Variants in PRKAG2 observed in about 807,000 individuals in gnomAD.
PRKAG2 encodes 5'-AMP-activated protein kinase subunit gamma-2.
PRKAG2 carries 26 observed loss-of-function variants against 69.6 expected under a neutral mutation model. The observed-to-expected ratio is 0.37, with a 90% CI of 0.27 to 0.52. The LOEUF (loss-of-function observed/expected upper bound fraction) is 0.52. Ranked by LOEUF, PRKAG2 falls within the 20% of genes least tolerant of loss-of-function variation. The probability of loss-of-function intolerance (pLI) is 0.90; values close to 1 mark genes in which losing one functional copy is unlikely to be tolerated. For missense variants in PRKAG2, 557 were observed against 740.0 expected (o/e 0.75, Z 2.87); for synonymous variants, 293 against 285.0 (o/e 1.03, Z -0.28).
rs1046644988 is a variant in PRKAG2, at chr7:151,828,180, AG to A, written c.115-41640del. 1.3e-5 allele frequency among the ~76,000 whole-genome samples: 2 copies of A among 152,238 alleles called. No individual in the cohort carries two copies. Among genetic ancestry groups the A allele is most frequent in the African/African-American group, 4.8e-5 (2 of 41,466 alleles). On this transcript the variant is annotated intron_variant, in intron 1 of 15. Transcript: ENST00000287878. This position sits in a 1 kb window ranked among gnomAD's most constrained non-coding sequence, Gnocchi z 4.6. ...CTGGAATGAGTGCAACTCTTTGTCC[AG>A]GGGTCTCCACGCTTTTGTGAGGAAG...
chr7:151,671,503 G>A (rs528632550), intron 4 of PRKAG2, among the ~76,000 whole-genome samples: 29 of 152,228 alleles, frequency 1.9e-4, no homozygotes, highest in African/African-American at 6.3e-4. Context: ...AAATTTCTAC[G>A]AACTTGAAAC....
At chr7:151,786,564 G>GC (rs1563673420) in intron 1 of PRKAG2, 23 bp from the exon 2 acceptor site, 1 of 1,604,132 alleles carries the variant, frequency 6.2e-7, no homozygotes, top group East Asian at 2.2e-5. Flanking sequence ...GAGAGCACGT[G>GC]GTCAGTGACA....
intron 4 of PRKAG2, among the ~76,000 whole-genome samples, chr7:151,640,123 CAACATGGTGA>C (rs1402539911): frequency 6.6e-6 from 1 of 152,006 alleles, no homozygotes; most frequent in Non-Finnish European, 1.5e-5. Context: ...CCAGCCTGGG[CAACATGGTGA>C]AACAATGTCT....
At chr7:151,618,139 C>G in intron 5 of PRKAG2, among the ~76,000 whole-genome samples, 1 of 151,996 alleles carries the variant, frequency 6.6e-6, no homozygotes. Context: ...CTAGGCAACA[C>G]AGTAAAACCT....
chr7:151,672,078 G>A (rs921315964), intron 4 of PRKAG2, among the ~76,000 whole-genome samples: 3 of 150,212 alleles, frequency 2.0e-5, no homozygotes, highest in Non-Finnish European at 4.4e-5. Flanking sequence ...GATTACAGGC[G>A]TGAGCCACCT....
rs1252295598 is a variant in PRKAG2, at chr7:151,828,096, A to G, written c.115-41555T>C. ...TCCAGGTGCACTGGGCCACCCATTC[A>G]CCCAGCAAGCACACAGCAAACGCCT... On this transcript the variant is annotated intron_variant, in intron 1 of 15. Coordinates refer to ENST00000287878, the MANE Select transcript of PRKAG2 (RefSeq NM_016203.4). The surrounding 1 kb of genome is among the most constrained non-coding windows in gnomAD (Gnocchi z 4.6). Among the ~76,000 whole-genome samples, 2 of 152,152 alleles carry G rather than the reference A, an allele frequency of 1.3e-5. No homozygotes were observed. The highest frequency in any genetic ancestry group is 4.8e-5 in the African/African-American group (2 of 41,430).
intron 4 of PRKAG2, among the ~76,000 whole-genome samples, chr7:151,652,508 A>G (rs1413037243): frequency 6.6e-6 from 1 of 152,142 alleles, no homozygotes; most frequent in African/African-American, 2.4e-5. Context: ...ATAATATGGT[A>G]AATTCTTTTT....
intron 1 of PRKAG2, among the ~76,000 whole-genome samples, chr7:151,855,085 CACACACCAT>C (rs2079690262): frequency 3.5e-5 from 2 of 56,622 alleles, no homozygotes; most frequent in Non-Finnish European, 6.4e-5. Context: ...CCATCCTCCA[CACACACCAT>C]CCTCCACACA....
intron 1 of PRKAG2, among the ~76,000 whole-genome samples, chr7:151,874,901 AC>A (rs908758244): frequency 5.9e-5 from 9 of 152,204 alleles, no homozygotes; most frequent in African/African-American, 2.2e-4. Flanking sequence ...AACAAAAAAA[AC>A]AATAAAAAAG....
Position 151,814,952 on chromosome 7 carries a change from G to A in PRKAG2, c.115-28411C>T, listed in dbSNP as rs2078597522. 9.5e-7 allele frequency: 1 copy of A among 1,051,914 alleles called. No homozygotes were observed. Among genetic ancestry groups the A allele is most frequent in the African/African-American group, 1.6e-5 (1 of 60,990 alleles). 65.2% of individuals were successfully genotyped at this position (1,051,914 alleles called of 1,614,324 possible). On this transcript the variant is annotated intron_variant, in intron 1 of 15. Coordinates refer to ENST00000287878, the MANE Select transcript of PRKAG2 (RefSeq NM_016203.4). The surrounding 1 kb of genome is among the most constrained non-coding windows in gnomAD (Gnocchi z 4.8). ...ACAGGCAGCAGGATGGAGGGAGGCAGGAGCAGAGGCCGATGATGCAGCAGT... is the reference window on the plus strand; with the variant it reads ...ACAGGCAGCAGGATGGAGGGAGGCAAGAGCAGAGGCCGATGATGCAGCAGT...
intron 1 of PRKAG2, among the ~76,000 whole-genome samples, chr7:151,800,301 T>G (rs1474888076): frequency 6.8e-6 from 1 of 146,004 alleles, no homozygotes; most frequent in African/African-American, 2.6e-5. Context: ...GAGCTTGCAG[T>G]GAGCTGAGAT....
chr7:151,800,008 C>T (rs973180824), intron 1 of PRKAG2, among the ~76,000 whole-genome samples: 4 of 152,156 alleles, frequency 2.6e-5, no homozygotes, highest in African/African-American at 9.7e-5. Flanking sequence ...ACCTCTACCC[C>T]CTCAGTGAGG....
At chr7:151,724,073 C>T (rs1006274373) in intron 3 of PRKAG2, among the ~76,000 whole-genome samples, 2 of 152,180 alleles carry the variant, frequency 1.3e-5, no homozygotes, top group Admixed American at 6.5e-5. Context: ...AGGCATATTC[C>T]TACACCTTCC....
intron 3 of PRKAG2, among the ~76,000 whole-genome samples, chr7:151,750,966 A>G (rs1313063790): frequency 6.6e-6 from 1 of 152,196 alleles, no homozygotes; most frequent in African/African-American, 2.4e-5. Flanking sequence ...ATACTAAAGG[A>G]AAATATGGAT....
chr7:151,694,875 G>A (rs980934681), intron 3 of PRKAG2, among the ~76,000 whole-genome samples: 8 of 152,216 alleles, frequency 5.3e-5, no homozygotes, highest in East Asian at 1.9e-4. Flanking sequence ...AAGGACATCC[G>A]ATGCAAACAC....
Position 151,871,558 on chromosome 7 carries a change from G to A in PRKAG2, c.114+4949C>T, listed in dbSNP as rs868328689. 7.9e-5 allele frequency among the ~76,000 whole-genome samples: 12 copies of A among 152,322 alleles called. No homozygotes were observed. In the Middle Eastern group the frequency reaches 0.017, roughly 216 times the overall value. On this transcript the variant is annotated intron_variant, in intron 1 of 15. Transcript: ENST00000287878. ...AAGAAAGGCTGAAGCCAAGCAAGGC[G>A]ACACCTTCGTTAGGTCCAAGGGCCA...
At chr7:151,786,611 G>A (rs1174991799) in intron 1 of PRKAG2, 70 bp from the exon 2 acceptor site, 22 of 1,278,580 alleles carry the variant, frequency 1.7e-5, no homozygotes, top group Middle Eastern at 2.1e-4. Flanking sequence ...GGAACTCTAC[G>A]TGGGTGTCAC....
At chr7:151,559,274 C>T in intron 15 of PRKAG2, 31 of 978,638 alleles carry the variant, frequency 3.2e-5, no homozygotes, top group South Asian at 9.5e-5. Flanking sequence ...GAATGTGACA[C>T]AATTTATCCA....
intron 1 of PRKAG2, among the ~76,000 whole-genome samples, chr7:151,818,543 G>C (rs573782104): frequency 6.6e-6 from 1 of 152,248 alleles, no homozygotes; most frequent in African/African-American, 2.4e-5. Context: ...TGCAGAGGGA[G>C]TATCTGCAAA....
Sources: allele counts gnomAD v4.1 joint callset (sites outside exome capture counted in the v4.1 genomes callset), GRCh38; gene constraint gnomAD v4.1.1; non-coding constraint Gnocchi (gnomAD v3.1); transcripts MANE v1.5; gene names NCBI Gene and HGNC (gene_info 2026-07-23, HGNC 2026-07-21).